FBXL17: variants seen among roughly 807,000 people sequenced by gnomAD.
FBXL17 encodes the protein F-box/LRR-repeat protein 17.
Under a neutral mutation model 66.2 loss-of-function variants are expected in FBXL17, and 22 were observed. The observed-to-expected ratio is 0.33, with a 90% confidence interval of 0.24 to 0.47. FBXL17 has a LOEUF of 0.47. Ranked by LOEUF, FBXL17 falls within the 20% of genes least tolerant of loss-of-function variation. The pLI, the probability that FBXL17 is intolerant of heterozygous loss-of-function variation, is 1.00. For missense variants in FBXL17, 878 were observed against 948.2 expected (o/e 0.93, Z 0.97); for synonymous variants, 474 against 400.5 (o/e 1.18, Z -2.19).
chr5:108,210,465 T>C (rs1258564232), intron 5 of FBXL17, among the ~76,000 whole-genome samples: 2 of 152,234 alleles, frequency 1.3e-5, no homozygotes, highest in South Asian at 2.1e-4. Flanking sequence ...TAAACTTCCC[T>C]CTACACACTG....
chr5:108,371,626 G>A lies in FBXL17; in HGVS notation c.994-3673C>T, dbSNP rs533036575. On this transcript the variant is annotated intron_variant, in intron 1 of 8. Transcript: ENST00000542267. ...ACAATAAATCAACAATTTAAGACATGCTCACAGAGCTAAAGAAAACCGTGG... is the reference window on the plus strand; with the variant it reads ...ACAATAAATCAACAATTTAAGACATACTCACAGAGCTAAAGAAAACCGTGG... Among the ~76,000 whole-genome samples, 4 of 152,152 alleles carry A rather than the reference G, an allele frequency of 2.6e-5. No individual in the cohort carries two copies. The South Asian group carries it at 8.3e-4, about 32-fold the overall frequency.
chr5:108,233,179 T>A (rs549570972), intron 4 of FBXL17, among the ~76,000 whole-genome samples: 98 of 148,246 alleles, frequency 6.6e-4, no homozygotes, highest in African/African-American at 2.3e-3. Context: ...TGTTTCACAA[T>A]TGTTTTTTTT....
intron 4 of FBXL17, among the ~76,000 whole-genome samples, chr5:108,291,184 A>G (rs985586637): frequency 6.6e-6 from 1 of 152,188 alleles, no homozygotes; most frequent in African/African-American, 2.4e-5. Context: ...TGATATCAAA[A>G]CAATTATTGT....
intron 6 of FBXL17, among the ~76,000 whole-genome samples, chr5:108,174,201 ACTC>A (rs1254938351): frequency 6.6e-6 from 1 of 152,130 alleles, no homozygotes; most frequent in Non-Finnish European, 1.5e-5. Context: ...TAGGTAATCT[ACTC>A]CTCAATTTAT....
chr5:108,306,840 G>A lies in FBXL17; in HGVS notation c.1506+41559C>T, dbSNP rs192449803. ...TCTCTTCACTAATTAATTATCACTT[G>A]TGAGCACATTAAAAAAAGTCCAGGG... On this transcript the variant is annotated intron_variant, in intron 4 of 8. Coordinates refer to ENST00000542267, the MANE Select transcript of FBXL17 (RefSeq NM_001163315.3). Among the ~76,000 whole-genome samples the A allele has an allele frequency of 5.0e-3, 760 of 151,766 alleles. 4 individuals carry two copies. Among genetic ancestry groups the A allele is most frequent in the Non-Finnish European group, 9.2e-3 (624 of 67,898 alleles).
At chr5:108,085,996 T>C (rs1748955380) in intron 6 of FBXL17, among the ~76,000 whole-genome samples, 1 of 152,130 alleles carries the variant, frequency 6.6e-6, no homozygotes, top group African/African-American at 2.4e-5. Context: ...TTTCTTCCCT[T>C]CTCATATCCC....
At chr5:108,174,702 C>G (rs1463511617) in intron 6 of FBXL17, among the ~76,000 whole-genome samples, 5 of 134,396 alleles carry the variant, frequency 3.7e-5, no homozygotes, top group African/African-American at 5.6e-5. Context: ...AAGAAAAACT[C>G]ATACAATTTT....
chr5:108,280,258 A>T (rs1449626938), intron 4 of FBXL17, among the ~76,000 whole-genome samples: 1 of 152,188 alleles, frequency 6.6e-6, no homozygotes, highest in Admixed American at 6.5e-5. Flanking sequence ...AGGAAATTAC[A>T]TCAGATTAAC....
At chr5:108,133,812 T>C (rs1409721414) in intron 6 of FBXL17, among the ~76,000 whole-genome samples, 1 of 152,200 alleles carries the variant, frequency 6.6e-6, no homozygotes, top group Non-Finnish European at 1.5e-5. Context: ...ATTTTAATTT[T>C]TATGCTCCCA....
At chr5:108,368,150 T>G (rs1012211652) in intron 1 of FBXL17, among the ~76,000 whole-genome samples, 197 bp from the exon 2 acceptor site, 2 of 152,084 alleles carry the variant, frequency 1.3e-5, no homozygotes, top group Non-Finnish European at 2.9e-5. Context: ...ACTGATGTTA[T>G]ATTTTCTGTA....
At chr5:108,365,471 C>T (rs1208390993) in intron 2 of FBXL17, among the ~76,000 whole-genome samples, 2 of 152,074 alleles carry the variant, frequency 1.3e-5, no homozygotes, top group African/African-American at 4.8e-5. Flanking sequence ...TGGTAAACAA[C>T]ATCAAAGTGC....
At chr5:108,206,074 A>G (rs1422428653) in intron 5 of FBXL17, among the ~76,000 whole-genome samples, 1 of 152,156 alleles carries the variant, frequency 6.6e-6, no homozygotes, top group Non-Finnish European at 1.5e-5. Flanking sequence ...CTACATGGGA[A>G]TATCAATCCA....
At chr5:107,941,197 T>C (rs1751083045) in intron 7 of FBXL17, among the ~76,000 whole-genome samples, 2 of 151,920 alleles carry the variant, frequency 1.3e-5, no homozygotes, top group Non-Finnish European at 2.9e-5. Flanking sequence ...TGTACCAGGG[T>C]GCTGAAGGGT....
chr5:108,299,046 G>A (rs1476515665), intron 4 of FBXL17: 2 of 975,810 alleles, frequency 2.0e-6, no homozygotes, highest in Non-Finnish European at 2.4e-6. Context: ...TTTAACATGA[G>A]TACATATCTG....
At chr5:108,016,411 A>T (rs910243523) in intron 7 of FBXL17, among the ~76,000 whole-genome samples, 13 of 152,120 alleles carry the variant, frequency 8.5e-5, no homozygotes, top group African/African-American at 3.1e-4. Context: ...GTCCTCTTTA[A>T]TTAAAGATTA....
intron 6 of FBXL17, among the ~76,000 whole-genome samples, chr5:108,168,044 A>C (rs1752476269): frequency 6.6e-6 from 1 of 152,220 alleles, no homozygotes; most frequent in South Asian, 2.1e-4. Context: ...AGCTTGTCAC[A>C]TCTGAATCCC....
intron 6 of FBXL17, among the ~76,000 whole-genome samples, chr5:108,163,909 G>T (rs1009744317): frequency 6.6e-6 from 1 of 152,060 alleles, no homozygotes; most frequent in African/African-American, 2.4e-5. Context: ...GTCTTTATTG[G>T]TTATCTTAAC....
intron 6 of FBXL17, among the ~76,000 whole-genome samples, chr5:108,155,311 T>C (rs894206239): frequency 6.6e-6 from 1 of 151,976 alleles, no homozygotes; most frequent in Non-Finnish European, 1.5e-5. Flanking sequence ...GGTCTGGAGT[T>C]TAAGACCAGC....
intron 4 of FBXL17, among the ~76,000 whole-genome samples, chr5:108,239,767 C>T (rs1013099057): frequency 6.6e-6 from 1 of 151,956 alleles, no homozygotes; most frequent in Non-Finnish European, 1.5e-5. Context: ...CTTCCTCACC[C>T]CTAGGCAGCA....
Sources: allele counts gnomAD v4.1 joint callset (sites outside exome capture counted in the v4.1 genomes callset), GRCh38; gene constraint gnomAD v4.1.1; transcripts MANE v1.5; gene names NCBI Gene and HGNC (gene_info 2026-07-23, HGNC 2026-07-21).